SNAPC3: variants seen among roughly 807,000 people sequenced by gnomAD.
SNAPC3 encodes small nuclear RNA activating complex polypeptide 3.
In SNAPC3, 56 loss-of-function variants were observed where a neutral mutation model predicts 47.7. The ratio of observed to expected loss-of-function variants is 1.18; its 90% confidence interval spans 0.95 to 1.47. The LOEUF (loss-of-function observed/expected upper bound fraction) is 1.47. Ranked by LOEUF, SNAPC3 falls within the 40% of genes most tolerant of loss-of-function variation. SNAPC3 has a pLI of 0.00. For synonymous variants in SNAPC3, 235 were observed against 189.9 expected (o/e 1.24, Z -1.95); for missense variants, 665 against 511.3 (o/e 1.30, Z -2.90).
chr9:15,442,877 C>T (rs7470309), intron 3 of SNAPC3, among the ~76,000 whole-genome samples: 118,615 of 152,082 alleles, frequency 0.78, 47,375 homozygotes, highest in Admixed American at 0.87. Context: ...CCAGCCTGGG[C>T]AACATTGAGC....
rs2035201572 is a variant in SNAPC3 at position 15,461,316 on chromosome 9, C to T, written c.*1450C>T. ...GCTGAGACATGGTGGCACAGGCCACCATGGCGGGCTAATTTTTTTATTTCT... is the reference window on the plus strand; with the variant it reads ...GCTGAGACATGGTGGCACAGGCCACTATGGCGGGCTAATTTTTTTATTTCT... On this transcript the variant is annotated 3_prime_UTR_variant, in exon 9 of 9. Transcript: ENST00000380821. 1 of 152,184 alleles carries T rather than the reference C, an allele frequency of 6.6e-6. No individual in the cohort carries two copies. Among genetic ancestry groups the T allele is most frequent in the Admixed American group, 6.5e-5 (1 of 15,282 alleles). 9.4% of individuals were successfully genotyped at this position (152,184 alleles called of 1,614,324 possible).
At chr9:15,442,801 T>C (rs914722324) in intron 3 of SNAPC3, among the ~76,000 whole-genome samples, 1 of 152,016 alleles carries the variant, frequency 6.6e-6, no homozygotes, top group African/African-American at 2.4e-5. Flanking sequence ...TCTCGGCACT[T>C]TGGGAGGCCA....
At chr9:15,459,272 T>C (rs2035022734) in intron 8 of SNAPC3, among the ~76,000 whole-genome samples, 1 of 152,212 alleles carries the variant, frequency 6.6e-6, no homozygotes, top group South Asian at 2.1e-4. Flanking sequence ...AAGAGTTATA[T>C]AGTTTTCAAA....
chr9:15,435,044 G>A (rs979196562), intron 3 of SNAPC3, among the ~76,000 whole-genome samples: 3 of 152,064 alleles, frequency 2.0e-5, no homozygotes, highest in African/African-American at 7.2e-5. Context: ...ATGCATGAAG[G>A]TTCCAATTTC....
At chr9:15,429,652 A>G (rs776132616) in intron 2 of SNAPC3, among the ~76,000 whole-genome samples, 1 of 152,050 alleles carries the variant, frequency 6.6e-6, no homozygotes, top group Non-Finnish European at 1.5e-5. Flanking sequence ...AGAAATATCA[A>G]CTCCCCCTCA....
At chr9:15,430,468 C>A (rs991550077) in intron 2 of SNAPC3, among the ~76,000 whole-genome samples, 2 of 151,298 alleles carry the variant, frequency 1.3e-5, no homozygotes, top group South Asian at 4.2e-4. Flanking sequence ...GCTCAGAAAA[C>A]AAAAAAAGAA....
chr9:15,433,010 T>A (rs2032358484), intron 2 of SNAPC3, among the ~76,000 whole-genome samples: 1 of 152,180 alleles, frequency 6.6e-6, no homozygotes, highest in South Asian at 2.1e-4. Context: ...GATGTCATAT[T>A]AATATCATGA....
intron 2 of SNAPC3, chr9:15,432,123 T>G (rs929958127): frequency 2.6e-5 from 4 of 152,168 alleles, no homozygotes; most frequent in South Asian, 4.1e-4. Flanking sequence ...GAACAAATCA[T>G]AGGTTGCCAA....
At chr9:15,430,137 A>C (rs752688455) in intron 2 of SNAPC3, among the ~76,000 whole-genome samples, 1 of 152,244 alleles carries the variant, frequency 6.6e-6, no homozygotes, top group Non-Finnish European at 1.5e-5. Flanking sequence ...ATAACATAGA[A>C]TATTACTAAC....
chr9:15,425,729 G>T (rs527914069), intron 2 of SNAPC3, among the ~76,000 whole-genome samples: 9 of 152,286 alleles, frequency 5.9e-5, no homozygotes, highest in African/African-American at 2.2e-4. Flanking sequence ...ATTGTTGATT[G>T]ATTAGTTGTA....
At chr9:15,428,039 A>T (rs1444650816) in intron 2 of SNAPC3, among the ~76,000 whole-genome samples, 1 of 133,430 alleles carries the variant, frequency 7.5e-6, no homozygotes, top group African/African-American at 2.9e-5. Flanking sequence ...TGAACCCGGG[A>T]GGTGGAGGTT....
intron 3 of SNAPC3, among the ~76,000 whole-genome samples, chr9:15,440,948 C>CAAAA (rs1199527486): frequency 3.3e-5 from 4 of 121,638 alleles, no homozygotes; most frequent in East Asian, 2.4e-4. Flanking sequence ...GACTCCGTCT[C>CAAAA]AAAAAAAAAA....
intron 3 of SNAPC3, among the ~76,000 whole-genome samples, chr9:15,443,629 TG>T (rs1400866150): frequency 6.6e-6 from 1 of 152,128 alleles, no homozygotes; most frequent in African/African-American, 2.4e-5. Flanking sequence ...ATATAGATCC[TG>T]CTGGGGGAAG....
intron 3 of SNAPC3, among the ~76,000 whole-genome samples, chr9:15,443,736 A>C (rs959490959): frequency 1.3e-5 from 2 of 152,302 alleles, no homozygotes; most frequent in Middle Eastern, 3.4e-3. Context: ...CAGTTCTTAG[A>C]GAACAGGTCC....
chr9:15,461,814 A>G (rs975380275), downstream of SNAPC3: 1 of 152,206 alleles, frequency 6.6e-6, no homozygotes, highest in African/African-American at 2.4e-5. Flanking sequence ...TGGTATGTCT[A>G]GTGTTCTCAT....
At chr9:15,465,564 T>C, downstream of SNAPC3, 4 of 1,585,908 alleles carry the variant, frequency 2.5e-6, no homozygotes, top group Non-Finnish European at 3.5e-6. Context: ...TCAGTCTCTC[T>C]CTCTTCACTG....
At position 15,461,083 on chromosome 9, in the gene SNAPC3, C is replaced by T. The variant is rs1394749519; in HGVS notation, c.*1217C>T. The T allele has an allele frequency of 6.6e-6, 1 of 151,866 alleles. No individual in the cohort carries two copies. The highest frequency in any genetic ancestry group is 1.5e-5 in the Non-Finnish European group (1 of 67,972). The allele number at this position is 151,866 out of a possible 1,614,324, so 9.4% of individuals were successfully genotyped here. On this transcript the variant is annotated 3_prime_UTR_variant, in exon 9 of 9. Transcript: ENST00000380821. ...AATAAGTTTTCCTGGCCCAGGTCTT[C>T]CATTCTTCTGGTCCCCTTACTATAG...
intron 7 of SNAPC3, among the ~76,000 whole-genome samples, chr9:15,453,993 C>T (rs1259101956): frequency 1.3e-5 from 2 of 152,126 alleles, no homozygotes; most frequent in Non-Finnish European, 2.9e-5. Context: ...AATCCCAACA[C>T]TTTGGGAGAC....
In SNAPC3 at chr9:15,423,275, C is replaced by T. The variant is rs2030834262; in HGVS notation, c.314+82C>T. 1.3e-5 allele frequency: 17 copies of T among 1,348,756 alleles called. 2 individuals carry two copies. In the South Asian group the frequency reaches 2.4e-4, roughly 19 times the overall value. The allele number at this position is 1,348,756 out of a possible 1,614,324, so 83.5% of individuals were successfully genotyped here. The stretch of plus-strand genomic sequence containing the variant: ...CTCGTGCGCTCCTCTGGGACTCATC[C>T]CTGAGAAGGGCCTGTGGTTTAGACC... On this transcript the variant is annotated intron_variant, in intron 1 of 8. Coordinates refer to ENST00000380821, the MANE Select transcript of SNAPC3 (RefSeq NM_001039697.2).
Sources: gnomAD v4.1 joint callset for allele counts (sites outside exome capture counted in the v4.1 genomes callset) on GRCh38, gnomAD v4.1.1 for gene constraint, MANE v1.5 for transcripts, NCBI Gene and HGNC (gene_info 2026-07-23, HGNC 2026-07-21) for gene names.